ZNF521: variants seen among roughly 807,000 people sequenced by gnomAD.
ZNF521 encodes zinc finger protein 521, also known as LYST-interacting protein 3.
In ZNF521, 14 loss-of-function variants were observed where a neutral mutation model predicts 105.5. The ratio of observed to expected loss-of-function variants is 0.13; its 90% CI spans 0.09 to 0.21. ZNF521 has a LOEUF of 0.21. ZNF521 is among the 10% of genes least tolerant of loss of function. ZNF521 has a pLI of 1.00. For synonymous variants in ZNF521, 635 were observed against 606.0 expected (o/e 1.05, Z -0.70); for missense variants, 1,233 against 1,629.7 (o/e 0.76, Z 4.19).
chr18:25,111,515 T>C (rs746540776), intron 5 of ZNF521, among the ~76,000 whole-genome samples: 18 of 152,218 alleles, frequency 1.2e-4, no homozygotes, highest in Non-Finnish European at 7.3e-5. Flanking sequence ...GTTTGCATCA[T>C]ACTAGTCTCT....
At chr18:25,131,622 T>C (rs1363993979) in intron 5 of ZNF521, among the ~76,000 whole-genome samples, 1 of 152,152 alleles carries the variant, frequency 6.6e-6, no homozygotes, top group East Asian at 1.9e-4. Context: ...AGAAAACCAC[T>C]GTGTTGCATT....
chr18:25,274,051 C>G (rs1475513279), intron 3 of ZNF521, among the ~76,000 whole-genome samples: 1 of 152,194 alleles, frequency 6.6e-6, no homozygotes, highest in East Asian at 1.9e-4. Flanking sequence ...AAGGTGGAAT[C>G]TACCTCTCCT....
At chr18:25,182,538 C>A (rs2035649840) in intron 5 of ZNF521, among the ~76,000 whole-genome samples, 1 of 152,176 alleles carries the variant, frequency 6.6e-6, no homozygotes, top group Non-Finnish European at 1.5e-5. Flanking sequence ...TTCATGTATA[C>A]TTAAAGCTAT....
Position 25,225,677 on chromosome 18 carries a change from G to A in ZNF521, c.2241C>T (p.Asn747=), listed in dbSNP as rs373709979. 62 of 1,614,008 alleles carry A rather than the reference G, an allele frequency of 3.8e-5. No individual in the cohort carries two copies. Among genetic ancestry groups the A allele is most frequent in the Middle Eastern group, 1.6e-4 (1 of 6,084 alleles). Residue 747 remains asparagine, a synonymous_variant, in exon 4 of 8, where the codon AAC becomes AAT. Transcript: ENST00000361524. The surrounding 1 kb of genome is among the most constrained non-coding windows in gnomAD (Gnocchi z 5.6). ...ATGTGCACCTATAGACTTTCTTTTCGTTACTGTGCTTCACAGCCAAGTGGA... is the reference window on the plus strand; with the variant it reads ...ATGTGCACCTATAGACTTTCTTTTCATTACTGTGCTTCACAGCCAAGTGGA... ...IQLHLAVKHS[N]EKKVYRCTSC... is the part of the protein sequence containing the mutation.
chr18:25,255,208 C>T (rs1908396592), intron 3 of ZNF521, among the ~76,000 whole-genome samples: 1 of 152,096 alleles, frequency 6.6e-6, no homozygotes, highest in African/African-American at 2.4e-5. Flanking sequence ...GTTATCTGAT[C>T]ATTACACAAA....
intron 3 of ZNF521, among the ~76,000 whole-genome samples, chr18:25,289,038 T>A (rs1182335367): frequency 6.6e-6 from 1 of 152,268 alleles, no homozygotes; most frequent in Non-Finnish European, 1.5e-5. Context: ...TAGCTTTTTT[T>A]AACCTTGGAA....
intron 5 of ZNF521, among the ~76,000 whole-genome samples, chr18:25,138,432 G>A (rs1031026079): frequency 4.2e-5 from 6 of 144,552 alleles, no homozygotes; most frequent in African/African-American, 1.5e-4. Context: ...CACGAGAAAC[G>A]GATCATTAAA....
rs33971407 is a variant in ZNF521 at position 25,332,347 on chromosome 18, C to CAA, written c.41-10162_41-10161dup. Among the ~76,000 whole-genome samples the CAA allele has an allele frequency of 9.6e-3, 1,233 of 127,830 alleles. 13 individuals carry two copies. Among genetic ancestry groups the CAA allele is most frequent in the African/African-American group, 0.032 (1,163 of 36,378 alleles). The allele number at this position is 127,830 out of a possible 152,430, so 83.9% of individuals were successfully genotyped here. On this transcript the variant is annotated intron_variant, in intron 2 of 7. Coordinates refer to ENST00000361524, the MANE Select transcript of ZNF521 (RefSeq NM_015461.3). Reference sequence around the variant, plus strand: ...AAATTTGTATAATGAAAGATCACAGCAAAAAAAAAAAAAAAGAGGCTGTGA... The same window carrying CAA: ...AAATTTGTATAATGAAAGATCACAGCAAAAAAAAAAAAAAAAAGAGGCTGTGA...
Position 25,091,979 on chromosome 18 carries a change from C to T in ZNF521, c.3761G>A (p.Gly1254Asp). ...AAAGCAGACTGGACACTTGAAGGTG[C>T]CTCCCATCCCTTCGAAGCTGTGCTC... ...LIEHSFEGMG[G>D]TFKCPVCFTV... is the part of the protein sequence containing the mutation. The change falls in exon 6 of 8, where the codon GGC becomes GAC. Residue 1254 changes from glycine (G) to aspartate (D), a missense_variant. Gly to Asp is a moderately conservative substitution (Grantham distance 94). Transcript: ENST00000361524. The T allele has an allele frequency of 1.2e-6, 2 of 1,613,896 alleles. No homozygotes were observed. Among genetic ancestry groups the T allele is most frequent in the South Asian group, 1.1e-5 (1 of 91,060 alleles).
intron 2 of ZNF521, among the ~76,000 whole-genome samples, chr18:25,343,718 A>G (rs1188591926): frequency 6.6e-6 from 1 of 152,166 alleles, no homozygotes; most frequent in Non-Finnish European, 1.5e-5. Context: ...ACACATAAAA[A>G]TGACAGGCAT....
At chr18:25,241,049 C>T (rs555818484) in intron 3 of ZNF521, among the ~76,000 whole-genome samples, 18 of 151,884 alleles carry the variant, frequency 1.2e-4, no homozygotes, top group Non-Finnish European at 2.4e-4. Flanking sequence ...AGTTATTAGG[C>T]GTCTCATCTG....
intron 2 of ZNF521, among the ~76,000 whole-genome samples, chr18:25,326,497 A>G (rs553557272): frequency 6.8e-4 from 103 of 152,252 alleles, no homozygotes; most frequent in Non-Finnish European, 1.0e-3. Flanking sequence ...CAACTGCCTC[A>G]TTAAATCTCT....
chr18:25,265,883 C>T (rs1341736677), intron 3 of ZNF521, among the ~76,000 whole-genome samples: 5 of 152,140 alleles, frequency 3.3e-5, no homozygotes, highest in Non-Finnish European at 5.9e-5. Context: ...CTGTCGTTTG[C>T]AACAACATGG....
At chr18:25,342,671 G>A (rs765056806) in intron 2 of ZNF521, among the ~76,000 whole-genome samples, 4 of 151,908 alleles carry the variant, frequency 2.6e-5, no homozygotes, top group Admixed American at 6.6e-5. Flanking sequence ...CTCGTGATCC[G>A]CCCGCCTCGG....
intron 2 of ZNF521, among the ~76,000 whole-genome samples, chr18:25,326,517 T>C (rs1346685356): frequency 2.0e-5 from 3 of 152,214 alleles, no homozygotes; most frequent in Non-Finnish European, 2.9e-5. Context: ...TGCAGTAAGA[T>C]TAATATGCCG....
At chr18:25,257,828 A>G (rs1489082351) in intron 3 of ZNF521, among the ~76,000 whole-genome samples, 2 of 152,148 alleles carry the variant, frequency 1.3e-5, no homozygotes, top group Admixed American at 6.6e-5. Context: ...AGAGGTCCAT[A>G]TCCCATTATA....
At chr18:25,146,297 A>G (rs987092434) in intron 5 of ZNF521, among the ~76,000 whole-genome samples, 21 of 152,178 alleles carry the variant, frequency 1.4e-4, no homozygotes, top group African/African-American at 4.1e-4. Flanking sequence ...CTTAATTCTC[A>G]TAATTGTCAT....
chr18:25,085,904 T>C (rs1404007934), intron 7 of ZNF521, among the ~76,000 whole-genome samples: 1 of 152,080 alleles, frequency 6.6e-6, no homozygotes, highest in East Asian at 1.9e-4. Flanking sequence ...GTGATGTTGA[T>C]GGTCAATTCC....
At chr18:25,218,253 T>C (rs1600168178) in intron 4 of ZNF521, among the ~76,000 whole-genome samples, 1 of 151,732 alleles carries the variant, frequency 6.6e-6, no homozygotes, top group Non-Finnish European at 1.5e-5. Flanking sequence ...GATTTGAAAA[T>C]GATGAGACTC....
Sources: allele counts gnomAD v4.1 joint callset (sites outside exome capture counted in the v4.1 genomes callset), GRCh38; gene constraint gnomAD v4.1.1; non-coding constraint Gnocchi (gnomAD v3.1); transcripts MANE v1.5; gene names NCBI Gene and HGNC (gene_info 2026-07-23, HGNC 2026-07-21).